The following APBB2 variants were observed in gnomAD, a reference collection of about 807,000 sequenced individuals.
The protein encoded by APBB2 is amyloid beta precursor protein binding family B member 2.
APBB2 carries 38 observed loss-of-function variants against 82.5 expected under a neutral mutation model. The ratio of observed to expected loss-of-function variants is 0.46; its 90% CI spans 0.36 to 0.60. The LOEUF is 0.60. Ranked by LOEUF, APBB2 falls within the 20% of genes least tolerant of loss-of-function variation. The probability of loss-of-function intolerance (pLI) is 0.00; values close to 1 mark genes in which losing one functional copy is unlikely to be tolerated. For missense variants in APBB2, 772 were observed against 972.3 expected, an observed-to-expected ratio of 0.79 and a Z score of 2.74; for synonymous variants, 341 against 368.2, an observed-to-expected ratio of 0.93 and a Z score of 0.85.
At chr4:41,136,797 T>C (rs977260865) in intron 2 of APBB2, among the ~76,000 whole-genome samples, 4 of 151,164 alleles carry the variant, frequency 2.6e-5, no homozygotes, top group Non-Finnish European at 5.9e-5. Context: ...TACATTTAGA[T>C]TTTTTTCACA....
chr4:41,028,240 C>T (rs991439874), intron 5 of APBB2, among the ~76,000 whole-genome samples: 10 of 152,238 alleles, frequency 6.6e-5, no homozygotes, highest in African/African-American at 1.7e-4. Context: ...ACCTATGGAG[C>T]GCAGAGCGCA....
At chr4:40,960,759 T>C (rs944296820) in intron 6 of APBB2, among the ~76,000 whole-genome samples, 3 of 152,162 alleles carry the variant, frequency 2.0e-5, no homozygotes, top group African/African-American at 7.2e-5. Flanking sequence ...TTTTTTTCTG[T>C]TTTTGATGTT....
chr4:40,917,848 T>C (rs967793896), intron 10 of APBB2, among the ~76,000 whole-genome samples: 1 of 152,236 alleles, frequency 6.6e-6, no homozygotes, highest in African/African-American at 2.4e-5. Context: ...CCAAGGGTGC[T>C]GTGTGCTTTT....
intron 5 of APBB2, among the ~76,000 whole-genome samples, chr4:41,026,328 C>G (rs1183830404): frequency 6.6e-6 from 1 of 152,098 alleles, no homozygotes; most frequent in African/African-American, 2.4e-5. Context: ...ACCCCTGAAC[C>G]TAAAAGTTAA....
chr4:40,843,265 G>A (rs1297157050), intron 12 of APBB2, among the ~76,000 whole-genome samples: 3 of 152,202 alleles, frequency 2.0e-5, no homozygotes, highest in Non-Finnish European at 2.9e-5. Flanking sequence ...TATGGCCAGG[G>A]TCATGGAGCG....
At chr4:41,172,929 A>G (rs991748030) in intron 1 of APBB2, among the ~76,000 whole-genome samples, 25 of 152,222 alleles carry the variant, frequency 1.6e-4, no homozygotes, top group African/African-American at 6.0e-4. Flanking sequence ...CAAGAAAGGA[A>G]ATGCTTCTAA....
chr4:40,948,890 CAAAAAAAAAAAAA>C (rs59172492), intron 6 of APBB2, among the ~76,000 whole-genome samples: 5 of 101,614 alleles, frequency 4.9e-5, no homozygotes, highest in African/African-American at 1.6e-4. Context: ...ATCCTGTCTC[CAAAAAAAAAAAAA>C]AAAAAAAAAA....
intron 1 of APBB2, among the ~76,000 whole-genome samples, chr4:41,196,065 A>G: frequency 6.6e-6 from 1 of 152,032 alleles, no homozygotes; most frequent in East Asian, 1.9e-4. Context: ...AGGCTGAGGC[A>G]AGAGAATGGC....
chr4:41,050,625 C>T (rs535774687), intron 4 of APBB2, among the ~76,000 whole-genome samples: 50 of 151,926 alleles, frequency 3.3e-4, no homozygotes, highest in Non-Finnish European at 6.2e-4. Context: ...AAACCATAGT[C>T]GAAGATAAAA....
chr4:40,963,453 G>T (rs1207668480), intron 6 of APBB2, among the ~76,000 whole-genome samples: 1 of 152,208 alleles, frequency 6.6e-6, no homozygotes, highest in Non-Finnish European at 1.5e-5. Context: ...TCGCCATGTT[G>T]CCTAGGCTGG....
chr4:41,023,413 A>G (rs1025561576), intron 5 of APBB2, among the ~76,000 whole-genome samples: 1 of 152,128 alleles, frequency 6.6e-6, no homozygotes, highest in Non-Finnish European at 1.5e-5. Flanking sequence ...TATAATTTAT[A>G]TACTATTATC....
intron 4 of APBB2, among the ~76,000 whole-genome samples, chr4:41,038,213 G>GATAAATAAATAA (rs5857768): frequency 5.3e-5 from 8 of 149,988 alleles, no homozygotes; most frequent in Admixed American, 1.3e-4. Flanking sequence ...TAAGCAAACA[G>GATAAATAAATAA]ATAAATAAAT....
At chr4:41,129,020 G>GT (rs967926239) in intron 2 of APBB2, among the ~76,000 whole-genome samples, 4 of 151,934 alleles carry the variant, frequency 2.6e-5, no homozygotes, top group African/African-American at 9.7e-5. Context: ...ATCACACACC[G>GT]TGTCTTTGAC....
At chr4:41,061,009 C>A (rs1729621992) in intron 4 of APBB2, among the ~76,000 whole-genome samples, 1 of 152,190 alleles carries the variant, frequency 6.6e-6, no homozygotes, top group Admixed American at 6.5e-5. Context: ...ACCTTTTAAA[C>A]TAGTGGGGAC....
chr4:40,854,458 T>C (rs1760461299), intron 12 of APBB2, among the ~76,000 whole-genome samples: 1 of 152,158 alleles, frequency 6.6e-6, no homozygotes, highest in African/African-American at 2.4e-5. Context: ...CCTGGACAGA[T>C]GTAAAGCTTT....
intron 1 of APBB2, among the ~76,000 whole-genome samples, chr4:41,206,673 T>C (rs1190517349): frequency 2.6e-5 from 4 of 152,228 alleles, no homozygotes; most frequent in Non-Finnish European, 4.4e-5. Flanking sequence ...TATATGATCA[T>C]TTCTTGAAAT....
chr4:40,912,277 G>T (rs527616232), intron 10 of APBB2, among the ~76,000 whole-genome samples: 137 of 152,268 alleles, frequency 9.0e-4, no homozygotes, highest in Non-Finnish European at 1.7e-3. Context: ...GCAGCCTAAG[G>T]CCTACAAAGA....
intron 4 of APBB2, among the ~76,000 whole-genome samples, chr4:41,044,736 T>A (rs909496200): frequency 6.6e-6 from 1 of 152,220 alleles, no homozygotes; most frequent in African/African-American, 2.4e-5. Flanking sequence ...GTTTTTCCCT[T>A]TTTTGTCTAG....
At chr4:40,866,038 C>T (rs887487958) in intron 12 of APBB2, among the ~76,000 whole-genome samples, 2 of 152,212 alleles carry the variant, frequency 1.3e-5, no homozygotes, top group African/African-American at 2.4e-5. Context: ...CCTCAGAAAG[C>T]GGGCTGGCAG....
Sources: gnomAD v4.1 joint callset for allele counts (sites outside exome capture counted in the v4.1 genomes callset) on GRCh38, gnomAD v4.1.1 for gene constraint, MANE v1.5 for transcripts, NCBI Gene and HGNC (gene_info 2026-07-23, HGNC 2026-07-21) for gene names.